Variants in MMRN1 observed in about 807,000 individuals in gnomAD.
MMRN1 encodes the protein multimerin 1.
A neutral mutation model predicts 100.7 loss-of-function variants in MMRN1; 94 were observed. That is an observed-to-expected ratio of 0.93 (90% CI 0.79 to 1.11). The LOEUF (loss-of-function observed/expected upper bound fraction) is 1.11. Among genes scored for constraint, MMRN1 ranks in the 50% least tolerant of loss-of-function variants. The pLI is 0.00. For missense variants in MMRN1, 1,606 were observed against 1,439.1 expected (o/e 1.12, Z -1.88); for synonymous variants, 575 against 505.0 (o/e 1.14, Z -1.86).
intron 6 of MMRN1, among the ~76,000 whole-genome samples, chr4:89,950,908 CAT>C (rs1560601257): frequency 6.6e-6 from 1 of 151,548 alleles, no homozygotes; most frequent in Non-Finnish European, 1.5e-5. Context: ...CAGAGTTTTT[CAT>C]ATGTTATGAA....
At position 89,953,532 on chromosome 4, in the gene MMRN1, T is replaced by C; in HGVS notation, c.*114T>C. On this transcript the variant is annotated 3_prime_UTR_variant, in exon 8 of 8. Transcript: ENST00000264790. ...TTTCTACAGGAAATGAAAATCAACT[T>C]GTTTTTTTAATATGAGTAAACTTGT... The C allele has an allele frequency of 1.1e-6, 1 of 903,098 alleles. No homozygotes were observed. Among genetic ancestry groups the C allele is most frequent in the Non-Finnish European group, 1.6e-6 (1 of 628,722 alleles). The allele number at this position is 903,098 out of a possible 1,614,324, so 55.9% of individuals were successfully genotyped here. A position where few individuals can be genotyped will look rare whatever the true frequency, so the allele number is the denominator to read the frequency against.
At chr4:89,908,422 G>A (rs1721638769) in intron 1 of MMRN1, among the ~76,000 whole-genome samples, 1 of 151,292 alleles carries the variant, frequency 6.6e-6, no homozygotes, top group African/African-American at 2.4e-5. Flanking sequence ...CTTATATCAA[G>A]CTAAGATTTG....
At position 89,936,395 on chromosome 4, in the gene MMRN1, G is replaced by A. The variant is rs142031218; in HGVS notation, c.2715G>A (p.Ala905=). 252 of 1,609,410 alleles carry A rather than the reference G, an allele frequency of 1.6e-4. No homozygotes were observed. Among genetic ancestry groups the A allele is most frequent in the East Asian group, 1.8e-4 (8 of 44,784 alleles). The part of the protein sequence containing the change: ...QLQVLNSRFK[A]LEAKSIHLSI... ...AAGTATTAAATTCCAGATTTAAGGC[G>A]TTGGAAGCAAAATCTATCCATCTTT... The change falls in exon 6 of 8, where the codon GCG becomes GCA. Residue 905 remains alanine (A), a synonymous_variant. Coordinates refer to ENST00000264790, the MANE Select transcript of MMRN1 (RefSeq NM_007351.3).
chr4:89,947,271 G>C lies in MMRN1; in HGVS notation c.3119-4334G>C, dbSNP rs369442398. Among the ~76,000 whole-genome samples, 11 of 152,210 alleles carry C rather than the reference G, an allele frequency of 7.2e-5. No individual in the cohort carries two copies. In the East Asian group the frequency reaches 1.4e-3, roughly 19 times the overall value. On this transcript the variant is annotated intron_variant, in intron 6 of 7. Coordinates refer to ENST00000264790, the MANE Select transcript of MMRN1 (RefSeq NM_007351.3). ...CACTCCAGCCTGGACGACAGAGCGAGACTCCATCTCAAAAATAAAACAAAT... is the reference window on the plus strand; with the variant it reads ...CACTCCAGCCTGGACGACAGAGCGACACTCCATCTCAAAAATAAAACAAAT...
rs777048531 is a variant in MMRN1, at chr4:89,935,698, T to C, written c.2018T>C (p.Val673Ala). The change falls in exon 6 of 8, where the codon GTG becomes GCG. Residue 673 changes from valine to alanine, a missense_variant. Physicochemically the swap from Val to Ala is moderately conservative, Grantham distance 64. Coordinates refer to ENST00000264790, the MANE Select transcript of MMRN1 (RefSeq NM_007351.3). ...MTYEQPKEAI[V>A]IRKKIENLTS... ...TATGAACAACCAAAGGAAGCAATAG[T>C]GATAAGGAAAAAGATAGAAAATCTG... 3.7e-6 allele frequency: 6 copies of C among 1,612,384 alleles called. No individual in the cohort carries two copies. In the South Asian group the frequency reaches 6.6e-5, roughly 18 times the overall value.
In MMRN1 at chr4:89,885,743, T is replaced by C. The variant is rs1321983213; in HGVS notation, c.-249+6141T>C. 2.0e-5 allele frequency among the ~76,000 whole-genome samples: 3 copies of C among 152,014 alleles called. 1 individual carries two copies. The highest frequency in any genetic ancestry group is 7.2e-5 in the African/African-American group (3 of 41,444). On this transcript the variant is annotated intron_variant, in intron 1 of 8. Coordinates refer to the MMRN1 transcript ENST00000394980. Reference sequence around the variant, plus strand: ...TGTAGGCTCTTCATAATGTCTCTACTTTTATTTTCTAACAGTTACTATCTC... The same window carrying C: ...TGTAGGCTCTTCATAATGTCTCTACCTTTATTTTCTAACAGTTACTATCTC...
Position 89,895,777 on chromosome 4 carries a change from A to G in MMRN1, c.623+183A>G, listed in dbSNP as rs115555452. 9.1e-3 allele frequency among the ~76,000 whole-genome samples: 1,381 copies of G among 152,254 alleles called. 11 individuals carry two copies. Among genetic ancestry groups the G allele is most frequent in the African/African-American group, 0.031 (1,300 of 41,550 alleles). ...ATTTATCTAATAGGGAAAAATGAAG[A>G]AATAAAATGCAGCAATTTTGTTTTA... On this transcript the variant is annotated intron_variant, in intron 1 of 7. Coordinates refer to ENST00000264790, the MANE Select transcript of MMRN1 (RefSeq NM_007351.3).
At chr4:89,904,513 C>T (rs1721497352) in intron 1 of MMRN1, among the ~76,000 whole-genome samples, 1 of 151,712 alleles carries the variant, frequency 6.6e-6, no homozygotes, top group Non-Finnish European at 1.5e-5. Context: ...CACTTAAGTA[C>T]ATCATATAAG....
At chr4:89,934,497 A>G (rs1305647549) in intron 5 of MMRN1, among the ~76,000 whole-genome samples, 1 of 152,166 alleles carries the variant, frequency 6.6e-6, no homozygotes, top group African/African-American at 2.4e-5. Context: ...ACCTAGAATT[A>G]TTGTACACAA....
chr4:89,927,820 G>A lies in MMRN1; in HGVS notation c.981G>A (p.Gln327=). The A allele has an allele frequency of 1.2e-6, 2 of 1,611,100 alleles. No homozygotes were observed. The highest frequency in any genetic ancestry group is 1.7e-6 in the Non-Finnish European group (2 of 1,178,922). Residue 327 remains glutamine (Q), a synonymous_variant, in exon 5 of 8, where the codon CAG becomes CAA. Transcript: ENST00000264790. ...AAGTGATGCAAAAAATGACTGATCA[G>A]GTGAACTACCAGGCAATGAAACTGA... ...DPEVMQKMTD[Q]VNYQAMKLTL... is the part of the protein sequence containing the mutation.
chr4:89,953,023 G>C lies in MMRN1; in HGVS notation c.3292G>C (p.Ala1098Pro). ...TTTTTCCAAAGGATCTTACAGATAT[G>C]CACCCATGGTGGCATTTTTTGCATC... The part of the protein sequence containing the change: ...PDFSKGSYRY[A>P]PMVAFFASHT... The change falls in exon 8 of 8, where the codon GCA becomes CCA. Residue 1098 changes from alanine to proline, a missense_variant. Ala to Pro is a conservative substitution (Grantham distance 27). Coordinates refer to ENST00000264790, the MANE Select transcript of MMRN1 (RefSeq NM_007351.3). 6.2e-7 allele frequency: 1 copy of C among 1,608,186 alleles called. No homozygotes were observed. Among genetic ancestry groups the C allele is most frequent in the Non-Finnish European group, 8.5e-7 (1 of 1,177,332 alleles).
intron 1 of MMRN1, among the ~76,000 whole-genome samples, chr4:89,904,969 C>T (rs1296229233): frequency 6.6e-6 from 1 of 151,506 alleles, no homozygotes; most frequent in Non-Finnish European, 1.5e-5. Flanking sequence ...CTATTTTCCT[C>T]TTTAAACAAA....
chr4:89,915,340 C>T (rs911675312), intron 3 of MMRN1, among the ~76,000 whole-genome samples: 1 of 151,496 alleles, frequency 6.6e-6, no homozygotes, highest in African/African-American at 2.4e-5. Context: ...GGTTGTTGCA[C>T]CAAACTGCCT....
At chr4:89,896,967 G>T (rs899333089) in intron 1 of MMRN1, among the ~76,000 whole-genome samples, 1 of 151,912 alleles carries the variant, frequency 6.6e-6, no homozygotes, top group Non-Finnish European at 1.5e-5. Flanking sequence ...AAGTAGATTT[G>T]CCATTAAAAA....
chr4:89,881,811 G>A (rs1444754591), intron 1 of MMRN1, among the ~76,000 whole-genome samples: 1 of 151,924 alleles, frequency 6.6e-6, no homozygotes, highest in African/African-American at 2.4e-5. Context: ...TAAACTTATA[G>A]TTAGCCTTTC....
At chr4:89,912,300 G>T (rs1721779964) in intron 3 of MMRN1, among the ~76,000 whole-genome samples, 1 of 151,172 alleles carries the variant, frequency 6.6e-6, no homozygotes, top group African/African-American at 2.4e-5. Context: ...TCTGATGAAA[G>T]ATCTTACTTA....
chr4:89,916,102 T>G (rs532290750), intron 3 of MMRN1, among the ~76,000 whole-genome samples: 1 of 151,714 alleles, frequency 6.6e-6, no homozygotes, highest in Non-Finnish European at 1.5e-5. Flanking sequence ...AGCTCTTTGC[T>G]GTGGCTGGTT....
upstream of MMRN1, chr4:89,894,784 A>G (rs1166360277): frequency 9.4e-7 from 1 of 1,065,970 alleles, no homozygotes; most frequent in Non-Finnish European, 1.3e-6. Flanking sequence ...ACAGATCACA[A>G]AAACCCTACA....
intron 4 of MMRN1, among the ~76,000 whole-genome samples, chr4:89,923,707 G>A (rs1185498699): frequency 6.6e-6 from 1 of 152,198 alleles, no homozygotes; most frequent in Non-Finnish European, 1.5e-5. Flanking sequence ...ATGGGATTAT[G>A]ACTAAGAATC....
Sources: allele counts gnomAD v4.1 joint callset (sites outside exome capture counted in the v4.1 genomes callset), GRCh38; gene constraint gnomAD v4.1.1; transcripts MANE v1.5; gene names NCBI Gene and HGNC (gene_info 2026-07-23, HGNC 2026-07-21).